Variants in CCDC73 observed in about 807,000 individuals in gnomAD.
CCDC73 encodes the protein coiled-coil domain containing 73, also known as coiled-coil domain-containing protein 73.
CCDC73 carries 95 observed loss-of-function variants against 116.5 expected under a neutral mutation model. The observed-to-expected ratio is 0.82, with a 90% CI of 0.69 to 0.97. CCDC73 has a LOEUF of 0.97. Ranked by LOEUF, CCDC73 falls within the 50% of genes least tolerant of loss-of-function variation. CCDC73 has a pLI of 0.00. For missense variants in CCDC73, 1,066 were observed against 1,206.8 expected, an observed-to-expected ratio of 0.88 and a Z score of 1.73; for synonymous variants, 398 against 401.3, an observed-to-expected ratio of 0.99 and a Z score of 0.10.
chr11:32,669,072 A>G (rs970765839), intron 9 of CCDC73, among the ~76,000 whole-genome samples: 1 of 152,194 alleles, frequency 6.6e-6, no homozygotes, highest in Non-Finnish European at 1.5e-5. Context: ...AAAAATATTC[A>G]AAAACATGAG....
At position 32,702,860 on chromosome 11, in the gene CCDC73, C is replaced by T. The variant is rs1490192792; in HGVS notation, c.279+13G>A. 1 of 1,568,268 alleles carries T rather than the reference C, an allele frequency of 6.4e-7. No individual in the cohort carries two copies. Among genetic ancestry groups the T allele is most frequent in the South Asian group, 1.1e-5 (1 of 90,188 alleles). On this transcript the variant is annotated intron_variant, in intron 4 of 17. Transcript: ENST00000335185. ...TTTAAAATGGTAGTGTTTGTCTATC[C>T]TTATGAAATTACCTGCTTTTTAAAA...
At chr11:32,767,878 G>A (rs984614649) in intron 1 of CCDC73, among the ~76,000 whole-genome samples, 6 of 151,974 alleles carry the variant, frequency 3.9e-5, no homozygotes, top group Admixed American at 3.9e-4. Context: ...TTGGTGGGAC[G>A]GTAAACTAGT....
the CCDC73 span, among the ~76,000 whole-genome samples, chr11:32,809,831 G>T: frequency 6.6e-6 from 1 of 152,128 alleles, no homozygotes; most frequent in Non-Finnish European, 1.5e-5. Context: ...TCATTGATAT[G>T]TTGTAAAGAT....
chr11:32,760,340 AC>A (rs1234526763), intron 1 of CCDC73, 82 bp from the exon 2 acceptor site: 2 of 776,158 alleles, frequency 2.6e-6, no homozygotes, highest in Non-Finnish European at 4.1e-6. Flanking sequence ...AAATATAACA[AC>A]CTGTATCCCA....
the CCDC73 span, among the ~76,000 whole-genome samples, chr11:32,815,248 G>C: frequency 6.6e-6 from 1 of 152,112 alleles, no homozygotes; most frequent in Non-Finnish European, 1.5e-5. Flanking sequence ...AGTACGTGCT[G>C]GGTGTTCCTC....
intron 1 of CCDC73, among the ~76,000 whole-genome samples, chr11:32,781,070 C>T (rs975973297): frequency 6.6e-6 from 1 of 152,104 alleles, no homozygotes; most frequent in African/African-American, 2.4e-5. Context: ...AGAAGGCGGA[C>T]GTTGCAGTGA....
intron 3 of CCDC73, among the ~76,000 whole-genome samples, chr11:32,712,907 CA>C (rs1320233511): frequency 6.6e-6 from 1 of 151,882 alleles, no homozygotes; most frequent in East Asian, 1.9e-4. Flanking sequence ...GAGCACCTAC[CA>C]AACTTTCTTT....
Position 32,626,953 on chromosome 11 carries a change from C to T in CCDC73, c.1185+8743G>A, listed in dbSNP as rs532621857. Among the ~76,000 whole-genome samples the T allele has an allele frequency of 3.3e-5, 5 of 152,282 alleles. No homozygotes were observed. The East Asian group carries it at 9.7e-4, about 29-fold the overall frequency. ...TCTAAAACACCAAAAGCAATGGCAA[C>T]AAAAGTCAAAATTGATAAATGGGAT... is the stretch of plus-strand genomic sequence containing the variant. On this transcript the variant is annotated intron_variant, in intron 14 of 17. Coordinates refer to ENST00000335185, the MANE Select transcript of CCDC73 (RefSeq NM_001008391.4).
chr11:32,618,875 C>T (rs536852172), intron 14 of CCDC73, among the ~76,000 whole-genome samples: 8 of 152,040 alleles, frequency 5.3e-5, no homozygotes, highest in South Asian at 4.2e-4. Context: ...ATAGTCATTC[C>T]GACTGGTGTG....
intron 17 of CCDC73, chr11:32,606,194 T>C (rs1321142742): frequency 6.6e-6 from 1 of 152,230 alleles, no homozygotes; most frequent in Non-Finnish European, 1.5e-5. Flanking sequence ...ATACCTTCCC[T>C]GAATTTAACA....
chr11:32,754,157 CTT>C (rs900259240), intron 2 of CCDC73, among the ~76,000 whole-genome samples: 1 of 152,132 alleles, frequency 6.6e-6, no homozygotes, highest in African/African-American at 2.4e-5. Context: ...AAATATATAA[CTT>C]TAGAATCATC....
chr11:32,830,340 C>T, the CCDC73 span, among the ~76,000 whole-genome samples: 1 of 152,210 alleles, frequency 6.6e-6, no homozygotes, highest in Non-Finnish European at 1.5e-5. Context: ...CAGGCGCTCT[C>T]AGGGGCTGCT....
intron 1 of CCDC73, among the ~76,000 whole-genome samples, chr11:32,781,009 C>G (rs1012193843): frequency 6.6e-6 from 1 of 152,146 alleles, no homozygotes; most frequent in Non-Finnish European, 1.5e-5. Context: ...GTGGTGCATG[C>G]CTGCAGTCCC....
chr11:32,656,092 T>TG (rs1002325948), intron 9 of CCDC73, among the ~76,000 whole-genome samples: 2 of 151,704 alleles, frequency 1.3e-5, no homozygotes, highest in Non-Finnish European at 2.9e-5. Flanking sequence ...TTCTTTTTTT[T>TG]TTTGAGACGG....
intron 2 of CCDC73, among the ~76,000 whole-genome samples, chr11:32,737,966 C>T (rs1000017024): frequency 1.3e-5 from 2 of 152,128 alleles, no homozygotes; most frequent in African/African-American, 4.8e-5. Context: ...CTGTGCCTGG[C>T]TTATTTCACT....
chr11:32,716,353 T>A (rs1849944277), intron 3 of CCDC73, among the ~76,000 whole-genome samples: 1 of 152,192 alleles, frequency 6.6e-6, no homozygotes, highest in South Asian at 2.1e-4. Flanking sequence ...TTGGATCTAT[T>A]TCTAGATTCT....
chr11:32,699,994 T>C (rs1374236005), intron 5 of CCDC73, among the ~76,000 whole-genome samples: 1 of 151,202 alleles, frequency 6.6e-6, no homozygotes, highest in Non-Finnish European at 1.5e-5. Context: ...GATTTCAAAA[T>C]ATAAAATTAT....
At chr11:32,704,622 T>C (rs7929459) in intron 3 of CCDC73, among the ~76,000 whole-genome samples, 114,714 of 152,138 alleles carry the variant, frequency 0.75, 43,393 homozygotes, top group East Asian at 0.93. Context: ...GGGATGTCCC[T>C]AGTGAAAACC....
chr11:32,782,226 A>T (rs910637547), intron 1 of CCDC73, among the ~76,000 whole-genome samples: 2 of 152,226 alleles, frequency 1.3e-5, no homozygotes, highest in South Asian at 4.1e-4. Flanking sequence ...TTCATTACAT[A>T]TCACAATGTA....
Sources: allele counts gnomAD v4.1 joint callset (sites outside exome capture counted in the v4.1 genomes callset), GRCh38; gene constraint gnomAD v4.1.1; transcripts MANE v1.5; gene names NCBI Gene and HGNC (gene_info 2026-07-23, HGNC 2026-07-21).